HECW1: variants seen among roughly 807,000 people sequenced by gnomAD.
The protein encoded by HECW1 is E3 ubiquitin-protein ligase HECW1.
Under a neutral mutation model 182.3 loss-of-function variants are expected in HECW1, and 61 were observed. The observed-to-expected ratio is 0.33, with a 90% CI of 0.27 to 0.41. The LOEUF is 0.41. Ranked by LOEUF, HECW1 falls within the 10% of genes least tolerant of loss-of-function variation. The pLI, the probability that HECW1 is intolerant of heterozygous loss-of-function variation, is 1.00. For synonymous variants in HECW1, 859 were observed against 832.6 expected (o/e 1.03, Z -0.55); for missense variants, 1,739 against 2,108.9 (o/e 0.82, Z 3.44).
At chr7:43,352,740 C>T (rs1814626491) in intron 5 of HECW1, among the ~76,000 whole-genome samples, 1 of 152,148 alleles carries the variant, frequency 6.6e-6, no homozygotes, top group South Asian at 2.1e-4. Context: ...TAATGATTGG[C>T]TATACATCAT....
intron 8 of HECW1, among the ~76,000 whole-genome samples, chr7:43,428,485 C>G (rs566739635): frequency 6.6e-6 from 1 of 152,088 alleles, no homozygotes; most frequent in South Asian, 2.1e-4. Flanking sequence ...GACAGGGAGA[C>G]CAGTTAGGAA....
intron 2 of HECW1, among the ~76,000 whole-genome samples, chr7:43,140,814 T>G (rs1312766825): frequency 3.3e-5 from 5 of 152,114 alleles, no homozygotes; most frequent in Non-Finnish European, 7.4e-5. Context: ...TCCCACTGAG[T>G]CCGTTCCTGG....
chr7:43,450,714 AT>A, intron 11 of HECW1, 113 bp from the exon 12 acceptor site: 1 of 685,564 alleles, frequency 1.5e-6, no homozygotes, highest in Non-Finnish European at 2.6e-6. Flanking sequence ...ACACAAATGG[AT>A]TTCCCACTCT....
intron 8 of HECW1, among the ~76,000 whole-genome samples, chr7:43,414,081 C>G (rs2152851001): frequency 6.6e-6 from 1 of 151,782 alleles, no homozygotes; most frequent in Admixed American, 6.6e-5. Flanking sequence ...TTCTTCCTAC[C>G]CATGAGCATG....
chr7:43,150,668 T>C (rs967994487), intron 2 of HECW1, among the ~76,000 whole-genome samples: 5 of 152,182 alleles, frequency 3.3e-5, no homozygotes, highest in Admixed American at 3.3e-4. Flanking sequence ...CATGAGCCAC[T>C]GCATCAGGCC....
At chr7:43,190,844 G>T (rs962734851) in intron 2 of HECW1, among the ~76,000 whole-genome samples, 8 of 152,156 alleles carry the variant, frequency 5.3e-5, no homozygotes, top group Non-Finnish European at 1.0e-4. Flanking sequence ...CCCTGATTTA[G>T]ACCCAGTCTT....
Position 43,509,072 on chromosome 7 carries a change from A to C in HECW1, c.3970A>C (p.Thr1324Pro). The C allele has an allele frequency of 6.2e-7, 1 of 1,614,116 alleles. No homozygotes were observed. The highest frequency in any genetic ancestry group is 8.5e-7 in the Non-Finnish European group (1 of 1,180,000). Residue 1324 changes from threonine to proline, a missense_variant, in exon 24 of 30, where the codon ACG becomes CCG. Thr to Pro is a conservative substitution (Grantham distance 38). Transcript: ENST00000395891. ...LFEYSANDTY[T>P]VQISPMSAFV... is the part of the protein sequence containing the mutation. ...TGAGTACTCGGCAAATGATACTTACACGGTGCAGATCAGCCCCATGTCCGC... is the reference window on the plus strand; with the variant it reads ...TGAGTACTCGGCAAATGATACTTACCCGGTGCAGATCAGCCCCATGTCCGC...
chr7:43,506,912 C>CA (rs997633348), intron 21 of HECW1, among the ~76,000 whole-genome samples: 12 of 151,824 alleles, frequency 7.9e-5, no homozygotes, highest in Middle Eastern at 3.4e-3. Flanking sequence ...ACTAAAAATA[C>CA]AAAAAAAATC....
At chr7:43,538,807 T>G (rs2081268448) in intron 24 of HECW1, among the ~76,000 whole-genome samples, 1 of 152,226 alleles carries the variant, frequency 6.6e-6, no homozygotes, top group South Asian at 2.1e-4. Context: ...TCTAATCTGT[T>G]TCCAATTTTT....
At chr7:43,361,584 T>C (rs1417789419) in intron 6 of HECW1, among the ~76,000 whole-genome samples, 1 of 152,162 alleles carries the variant, frequency 6.6e-6, no homozygotes, top group Non-Finnish European at 1.5e-5. Flanking sequence ...TTCCCTGCTG[T>C]GTGGCTTTGC....
chr7:43,480,962 G>T (rs2078412271), intron 17 of HECW1, among the ~76,000 whole-genome samples: 1 of 152,160 alleles, frequency 6.6e-6, no homozygotes, highest in South Asian at 2.1e-4. Context: ...TCCAACCAGT[G>T]GCACTCATGG....
chr7:43,199,317 T>G (rs1299631741), intron 2 of HECW1, among the ~76,000 whole-genome samples: 5 of 152,262 alleles, frequency 3.3e-5, no homozygotes, highest in African/African-American at 1.2e-4. Context: ...TGTATTTACT[T>G]CAGTATTGAC....
intron 2 of HECW1, among the ~76,000 whole-genome samples, chr7:43,159,342 C>T (rs1374192397): frequency 2.0e-5 from 3 of 146,356 alleles, no homozygotes; most frequent in African/African-American, 7.6e-5. Flanking sequence ...CAGCCCCCAA[C>T]CCCCCGACAG....
At position 43,309,171 on chromosome 7, in the gene HECW1, C is replaced by T. The variant is rs148336316; in HGVS notation, c.28-2592C>T. ...GTGCATCATGGAGCAGAAAGTTCCA[C>T]TCTTGGGAATGGGAAGGAGGCAAGG... On this transcript the variant is annotated intron_variant, in intron 3 of 29. Coordinates refer to ENST00000395891, the MANE Select transcript of HECW1 (RefSeq NM_015052.5). Among the ~76,000 whole-genome samples, 1,280 of 152,226 alleles carry T rather than the reference C, an allele frequency of 8.4e-3. 13 individuals are homozygous for T. Among genetic ancestry groups the T allele is most frequent in the African/African-American group, 0.029 (1,218 of 41,530 alleles).
At chr7:43,291,115 T>C (rs1805344730) in intron 3 of HECW1, among the ~76,000 whole-genome samples, 1 of 152,232 alleles carries the variant, frequency 6.6e-6, no homozygotes, top group African/African-American at 2.4e-5. Context: ...AGAATGCTTG[T>C]TCCGTGGTGC....
intron 6 of HECW1, among the ~76,000 whole-genome samples, chr7:43,374,929 G>A (rs1015775793): frequency 1.3e-5 from 2 of 151,788 alleles, no homozygotes; most frequent in African/African-American, 2.4e-5. Context: ...TATATATGTA[G>A]GTTCATAGTA....
At chr7:43,202,194 G>T (rs1795070461) in intron 2 of HECW1, among the ~76,000 whole-genome samples, 1 of 152,190 alleles carries the variant, frequency 6.6e-6, no homozygotes, top group Non-Finnish European at 1.5e-5. Context: ...CAGTGGCAGA[G>T]CCAGAATTTG....
At chr7:43,177,020 T>A (rs1449451672) in intron 2 of HECW1, among the ~76,000 whole-genome samples, 1 of 152,230 alleles carries the variant, frequency 6.6e-6, no homozygotes, top group Non-Finnish European at 1.5e-5. Context: ...CTGGCTATTA[T>A]TTTATGACAT....
At chr7:43,314,509 AAAG>A (rs1348571459) in intron 4 of HECW1, among the ~76,000 whole-genome samples, 1 of 152,114 alleles carries the variant, frequency 6.6e-6, no homozygotes, top group African/African-American at 2.4e-5. Flanking sequence ...TAGAGAGAAC[AAAG>A]AAGAGGGTAG....
Sources: allele counts gnomAD v4.1 joint callset (sites outside exome capture counted in the v4.1 genomes callset), GRCh38; gene constraint gnomAD v4.1.1; transcripts MANE v1.5; gene names NCBI Gene and HGNC (gene_info 2026-07-23, HGNC 2026-07-21).